TGM3: variants seen among roughly 807,000 people sequenced by gnomAD.
TGM3 encodes the protein transglutaminase 3, also known as protein-glutamine gamma-glutamyltransferase E.
Under a neutral mutation model 73.8 loss-of-function variants are expected in TGM3, and 52 were observed. That is an observed-to-expected ratio of 0.70 (90% CI 0.56 to 0.89). The LOEUF (loss-of-function observed/expected upper bound fraction) is 0.89, where lower values mean the gene tolerates loss of function less well. TGM3 is among the 40% of genes least tolerant of loss of function. The probability of loss-of-function intolerance (pLI) is 0.00; values close to 1 mark genes in which losing one functional copy is unlikely to be tolerated. For missense variants in TGM3, 928 were observed against 909.9 expected (o/e 1.02, Z -0.26); for synonymous variants, 372 against 354.9 (o/e 1.05, Z -0.54).
chr20:2,303,724 A>C (rs2084163935), intron 1 of TGM3, among the ~76,000 whole-genome samples: 3 of 152,152 alleles, frequency 2.0e-5, no homozygotes, highest in Non-Finnish European at 1.5e-5. Context: ...AGAAGGAACG[A>C]GTGAACGTTG....
At position 2,310,190 on chromosome 20, in the gene TGM3, C is replaced by T; in HGVS notation, c.194C>T (p.Ser65Leu). 6.2e-7 allele frequency: 1 copy of T among 1,614,220 alleles called. No homozygotes were observed. Among genetic ancestry groups the T allele is most frequent in the Non-Finnish European group, 8.5e-7 (1 of 1,180,050 alleles). The change falls in exon 3 of 13, where the codon TCA becomes TTA. Residue 65 changes from serine to leucine, a missense_variant. Physicochemically the swap from Ser to Leu is moderately radical, Grantham distance 145 (BLOSUM62 -2). Coordinates refer to ENST00000381458, the MANE Select transcript of TGM3 (RefSeq NM_003245.4). The part of the protein sequence containing the change: ...EFIVSTGPYP[S>L]ESAMTKAVFP... ...TCTTCTTTGACAGGGCCTTACCCCT[C>T]AGAGTCGGCCATGACGAAGGCTGTG...
rs775618808 is a variant in TGM3 at position 2,325,838 on chromosome 20, T to C, written c.984-11T>C. 5.2e-6 allele frequency: 8 copies of C among 1,544,892 alleles called. No individual in the cohort carries two copies. In the South Asian group the frequency reaches 9.5e-5, roughly 18 times the overall value. On this transcript the variant is annotated splice_polypyrimidine_tract_variant and intron_variant, in intron 7 of 12. Coordinates refer to ENST00000381458, the MANE Select transcript of TGM3 (RefSeq NM_003245.4). ...TTGGGCAAGCGCTGCAGTCTCTGGTTCTATCTGCAGGAATTTCCATGTCTG... is the reference window on the plus strand; with the variant it reads ...TTGGGCAAGCGCTGCAGTCTCTGGTCCTATCTGCAGGAATTTCCATGTCTG...
chr20:2,338,633 C>A (rs2084363613), intron 11 of TGM3, among the ~76,000 whole-genome samples: 1 of 152,178 alleles, frequency 6.6e-6, no homozygotes, highest in Non-Finnish European at 1.5e-5. Context: ...TGTGAATGTT[C>A]CAGGTTATTG....
chr20:2,339,792 C>T, intron 11 of TGM3, 62 bp from the exon 12 acceptor site: 1 of 1,607,792 alleles, frequency 6.2e-7, no homozygotes, highest in Non-Finnish European at 8.5e-7. Flanking sequence ...CCAGCCCTCA[C>T]CAAGGTGCAG....
At chr20:2,326,932 C>T (rs2122239286) in intron 8 of TGM3, among the ~76,000 whole-genome samples, 1 of 152,156 alleles carries the variant, frequency 6.6e-6, no homozygotes, top group South Asian at 2.1e-4. Flanking sequence ...AACAATAAAA[C>T]TTAAGTCTTA....
At chr20:2,304,027 G>A (rs1008583449) in intron 1 of TGM3, among the ~76,000 whole-genome samples, 10 of 152,288 alleles carry the variant, frequency 6.6e-5, no homozygotes, top group African/African-American at 9.6e-5. Flanking sequence ...AGAATCATGC[G>A]ACTCCTGTCT....
At chr20:2,340,008 G>A (rs1186283663) in intron 12 of TGM3, 21 bp downstream of exon 12, 1 of 1,560,564 alleles carries the variant, frequency 6.4e-7, no homozygotes, top group South Asian at 1.2e-5. Flanking sequence ...GGCCTAAGTG[G>A]CCGGTGCAGG....
intron 7 of TGM3, among the ~76,000 whole-genome samples, chr20:2,324,150 A>G (rs1568629393): frequency 6.6e-6 from 1 of 152,064 alleles, no homozygotes; most frequent in Non-Finnish European, 1.5e-5. Context: ...CTATCCTGCT[A>G]TTAAGTTTAT....
intron 1 of TGM3, among the ~76,000 whole-genome samples, chr20:2,305,314 A>G (rs1478179583): frequency 6.6e-6 from 1 of 152,182 alleles, no homozygotes. Context: ...AGCTGCCAGT[A>G]CCAGTCATCT....
chr20:2,335,019 A>G, intron 10 of TGM3, 97 bp from the exon 11 acceptor site: 2 of 1,482,172 alleles, frequency 1.3e-6, no homozygotes, highest in Non-Finnish European at 9.3e-7. Context: ...AGATCCTCCC[A>G]CCAGCTCACC....
At chr20:2,310,051 A>C in intron 2 of TGM3, 127 bp from the exon 3 acceptor site, 1 of 1,447,650 alleles carries the variant, frequency 6.9e-7, no homozygotes, top group South Asian at 1.3e-5. Flanking sequence ...TGTTCCAGTT[A>C]CTTCCAGTGG....
intron 7 of TGM3, 45 bp downstream of exon 7, chr20:2,317,530 G>A (rs1360131562): frequency 1.2e-6 from 2 of 1,609,558 alleles, no homozygotes; most frequent in East Asian, 4.5e-5. Flanking sequence ...CCACATTTGA[G>A]TGGCTTCTCG....
chr20:2,299,661 TC>T (rs772727007), intron 1 of TGM3, among the ~76,000 whole-genome samples: 3 of 152,172 alleles, frequency 2.0e-5, no homozygotes, highest in African/African-American at 4.8e-5. Context: ...CAGCGACTCC[TC>T]CCCTGCCTCC....
chr20:2,340,022 G>T, intron 12 of TGM3, 35 bp downstream of exon 12: 2 of 1,524,414 alleles, frequency 1.3e-6, no homozygotes, highest in Non-Finnish European at 1.8e-6. Context: ...GTGCAGGAGG[G>T]CGGGAGGGGG....
At chr20:2,310,443 C>T in intron 3 of TGM3, 26 bp downstream of exon 3, 1 of 1,610,664 alleles carries the variant, frequency 6.2e-7, no homozygotes, top group South Asian at 1.1e-5. Context: ...CCCACACTCT[C>T]AGCCCTGGCC....
intron 9 of TGM3, among the ~76,000 whole-genome samples, chr20:2,330,887 TC>T (rs980522320): frequency 6.6e-6 from 1 of 150,586 alleles, no homozygotes; most frequent in African/African-American, 2.4e-5. Context: ...GCACCTGTAA[TC>T]CCAGCTACTC....
intron 10 of TGM3, among the ~76,000 whole-genome samples, chr20:2,333,370 TTTTG>T (rs562196323): frequency 1.2e-3 from 179 of 152,146 alleles, no homozygotes; most frequent in African/African-American, 3.4e-3. Context: ...AAAGGGCTTT[TTTTG>T]TTTGTTTGTT....
At chr20:2,308,274 T>G (rs552314291) in intron 1 of TGM3, among the ~76,000 whole-genome samples, 1 of 152,224 alleles carries the variant, frequency 6.6e-6, no homozygotes, top group South Asian at 2.1e-4. Context: ...TGCAGAGAGA[T>G]GGACACAAAT....
At chr20:2,340,040 G>GGTGGGGGGGGGGGGGGGGGGGGGGGGC in intron 12 of TGM3, 53 bp downstream of exon 12, 6 of 944,846 alleles carry the variant, frequency 6.4e-6, no homozygotes, top group Non-Finnish European at 6.4e-6. Context: ...GGGCGGGGGG[G>GGTGGGGGGGGGGGGGGGGGGGGGGGGC]CCCTCCAGAT....
Sources: allele counts gnomAD v4.1 joint callset (sites outside exome capture counted in the v4.1 genomes callset), GRCh38; gene constraint gnomAD v4.1.1; transcripts MANE v1.5; gene names NCBI Gene and HGNC (gene_info 2026-07-23, HGNC 2026-07-21).